Variants in MCMDC2 observed in about 807,000 individuals in gnomAD.
MCMDC2 encodes the protein minichromosome maintenance domain containing 2, also known as minichromosome maintenance domain-containing protein 2.
MCMDC2 carries 54 observed loss-of-function variants against 75.8 expected under a neutral mutation model. That is an observed-to-expected ratio of 0.71 (90% confidence interval 0.57 to 0.89). The LOEUF is 0.89. Ranked by LOEUF, MCMDC2 falls within the 40% of genes least tolerant of loss-of-function variation. The probability of loss-of-function intolerance (pLI) is 0.00; values close to 1 mark genes in which losing one functional copy is unlikely to be tolerated. For missense variants in MCMDC2, 656 were observed against 780.4 expected (o/e 0.84, Z 1.90); for synonymous variants, 249 against 274.6 (o/e 0.91, Z 0.92).
At chr8:66,902,708 AAAAATATATATATAT>A (rs1213483295) in intron 13 of MCMDC2, among the ~76,000 whole-genome samples, 8 of 121,874 alleles carry the variant, frequency 6.6e-5, no homozygotes, top group African/African-American at 2.7e-4. Context: ...AAAAAAAAAA[AAAAATATATATATAT>A]ATATATATAT....
At chr8:66,923,382 A>G (rs950372099), downstream of MCMDC2, among the ~76,000 whole-genome samples, 1 of 152,206 alleles carries the variant, frequency 6.6e-6, no homozygotes, top group African/African-American at 2.4e-5. Flanking sequence ...CCAGGCAGCA[A>G]TACGAAATGA....
chr8:66,913,347 C>CT (rs572314204), intron 14 of MCMDC2, among the ~76,000 whole-genome samples: 5 of 152,080 alleles, frequency 3.3e-5, no homozygotes, highest in Non-Finnish European at 7.4e-5. Flanking sequence ...GTGATATTCA[C>CT]TTTTTTGTGG....
intron 9 of MCMDC2, among the ~76,000 whole-genome samples, chr8:66,890,410 T>C (rs948957594): frequency 3.3e-5 from 5 of 152,122 alleles, no homozygotes; most frequent in African/African-American, 1.2e-4. Context: ...CACGGAGTCT[T>C]GCTCTGTCAC....
At position 66,921,522 on chromosome 8, in the gene MCMDC2, T is replaced by G. The variant is rs1464899374; in HGVS notation, c.*2353T>G. The G allele has an allele frequency of 6.6e-6, 1 of 152,230 alleles. No homozygotes were observed. The highest frequency in any genetic ancestry group is 2.4e-5 in the African/African-American group (1 of 41,452). The allele number at this position is 152,230 out of a possible 1,614,324, so 9.4% of individuals were successfully genotyped here. ...TTAGCTCTAAACCTTCACCCAGATA[T>G]AAATTCAGCTTTAGAATTCTTGCCA... On this transcript the variant is annotated 3_prime_UTR_variant, in exon 15 of 15. Transcript: ENST00000422365.
chr8:66,890,778 A>C, intron 9 of MCMDC2, 87 bp from the exon 10 acceptor site: 1 of 1,114,600 alleles, frequency 9.0e-7, no homozygotes, highest in Non-Finnish European at 1.3e-6. Context: ...ACAGGTGCTC[A>C]GTAAACACAG....
At chr8:66,889,883 T>C (rs1812020120) in intron 9 of MCMDC2, among the ~76,000 whole-genome samples, 1 of 152,032 alleles carries the variant, frequency 6.6e-6, no homozygotes, top group African/African-American at 2.4e-5. Context: ...AAAAACCCCA[T>C]AATTGCCATG....
At chr8:66,878,758 G>A (rs1811420726) in intron 6 of MCMDC2, 57 bp from the exon 7 acceptor site, 2 of 1,437,126 alleles carry the variant, frequency 1.4e-6, no homozygotes, top group South Asian at 1.3e-5. Context: ...TTTCAATATG[G>A]AAATTAAATT....
intron 14 of MCMDC2, 111 bp downstream of exon 14, chr8:66,905,446 G>T (rs1031417736): frequency 5.6e-5 from 55 of 978,932 alleles, no homozygotes; most frequent in Non-Finnish European, 7.0e-5. Flanking sequence ...TTATTTTAAA[G>T]AATAACAAAT....
intron 8 of MCMDC2, 32 bp from the exon 9 acceptor site, chr8:66,883,725 T>A (rs1430422440): frequency 8.0e-7 from 1 of 1,252,868 alleles, no homozygotes; most frequent in East Asian, 2.3e-5. Flanking sequence ...TTTAAAACCC[T>A]TTCTAATATA....
chr8:66,877,548 A>G lies in MCMDC2; in HGVS notation c.481+4A>G, dbSNP rs774604608. Reference sequence around the variant, plus strand: ...GAAGCATGCCCTCTTTCAAAAGGTAAATGTTAAATAGGAAAATCAAAGCAT... The same window carrying G: ...GAAGCATGCCCTCTTTCAAAAGGTAGATGTTAAATAGGAAAATCAAAGCAT... On this transcript the variant is annotated splice_donor_region_variant and intron_variant, in intron 5 of 14. Transcript: ENST00000422365. 14 of 1,589,310 alleles carry G rather than the reference A, an allele frequency of 8.8e-6. No individual in the cohort carries two copies. The African/African-American group carries it at 1.5e-4, about 17-fold the overall frequency.
chr8:66,907,315 G>A (rs917556276), intron 14 of MCMDC2, among the ~76,000 whole-genome samples: 1 of 152,144 alleles, frequency 6.6e-6, no homozygotes, highest in Non-Finnish European at 1.5e-5. Flanking sequence ...TTATGAATGA[G>A]AATATGTGGT....
intron 4 of MCMDC2, among the ~76,000 whole-genome samples, chr8:66,876,805 G>T (rs1811306143): frequency 6.6e-6 from 1 of 152,020 alleles, no homozygotes; most frequent in Non-Finnish European, 1.5e-5. Flanking sequence ...CTGTTGCCCA[G>T]GCTGGAGTGC....
rs190219469 is a variant in MCMDC2 at position 66,885,479 on chromosome 8, G to A, written c.1073+1485G>A. 2.6e-3 allele frequency among the ~76,000 whole-genome samples: 392 copies of A among 151,872 alleles called. 11 individuals are homozygous for A. Among genetic ancestry groups the A allele is most frequent in the Admixed American group, 0.024 (365 of 15,240 alleles). On this transcript the variant is annotated intron_variant, in intron 9 of 14. Coordinates refer to ENST00000422365, the MANE Select transcript of MCMDC2 (RefSeq NM_173518.5). ...TATGAACCTCCCATTCTTGATCATT[G>A]TTGTTTTTATTATGTTGTTTATCTA...
chr8:66,901,655 G>A, intron 13 of MCMDC2: 1 of 1,053,658 alleles, frequency 9.5e-7, no homozygotes. Flanking sequence ...CTGTTGGGCG[G>A]GCACGGTGGC....
rs374999152 is a variant in MCMDC2 at position 66,872,606 on chromosome 8, G to A, written c.-88-1447G>A. ...TAGGGACAATATTTTACTCATCTTA[G>A]TATCCTTAAGTGCCTAGGACAATCT... On this transcript the variant is annotated intron_variant, in intron 1 of 14. Transcript: ENST00000422365. Among the ~76,000 whole-genome samples, 52 of 152,004 alleles carry A rather than the reference G, an allele frequency of 3.4e-4. No homozygotes were observed. In the East Asian group the frequency reaches 3.7e-3, roughly 11 times the overall value.
At chr8:66,897,299 C>T (rs1429259097) in intron 12 of MCMDC2, among the ~76,000 whole-genome samples, 12 of 151,114 alleles carry the variant, frequency 7.9e-5, no homozygotes, top group African/African-American at 1.7e-4. Context: ...CCCAGCTACT[C>T]GGGAGGCTGA....
chr8:66,881,083 G>T lies in MCMDC2; in HGVS notation c.835+109G>T. 4.6e-6 allele frequency: 4 copies of T among 877,950 alleles called. No homozygotes were observed. The East Asian group carries it at 1.4e-4, about 30-fold the overall frequency. 54.4% of individuals were successfully genotyped at this position (877,950 alleles called of 1,614,324 possible). ...TGCTAGGCATTCCTCTAAGCACTAA[G>T]AATACAGTTGTAAACAGGACAGTCA... is the stretch of plus-strand genomic sequence containing the variant. On this transcript the variant is annotated intron_variant, in intron 8 of 14. Coordinates refer to ENST00000422365, the MANE Select transcript of MCMDC2 (RefSeq NM_173518.5).
intron 10 of MCMDC2, among the ~76,000 whole-genome samples, chr8:66,892,303 G>T (rs945139012): frequency 6.6e-6 from 1 of 152,232 alleles, no homozygotes; most frequent in Non-Finnish European, 1.5e-5. Flanking sequence ...CAGTGAGCTG[G>T]CTAGGAAAGT....
At chr8:66,902,711 A>AATATATATATATAT (rs1231949044) in intron 13 of MCMDC2, among the ~76,000 whole-genome samples, 11 of 67,928 alleles carry the variant, frequency 1.6e-4, no homozygotes, top group South Asian at 9.3e-4. Context: ...AAAAAAAAAA[A>AATATATATATATAT]ATATATATAT....
Sources: allele counts gnomAD v4.1 joint callset (sites outside exome capture counted in the v4.1 genomes callset), GRCh38; gene constraint gnomAD v4.1.1; transcripts MANE v1.5; gene names NCBI Gene and HGNC (gene_info 2026-07-23, HGNC 2026-07-21).